Variants in PGBD5 observed in about 807,000 individuals in gnomAD.
PGBD5 encodes piggyBac transposable element-derived protein 5.
Under a neutral mutation model 47.9 loss-of-function variants are expected in PGBD5, and 14 were observed. The observed-to-expected ratio is 0.29, with a 90% CI of 0.19 to 0.46. The LOEUF is 0.46. PGBD5 is among the 20% of genes least tolerant of loss of function. The pLI is 1.00. For missense variants in PGBD5, 635 were observed against 716.0 expected (o/e 0.89, Z 1.29); for synonymous variants, 316 against 306.3 (o/e 1.03, Z -0.33).
intron 4 of PGBD5, 38 bp from the exon 5 acceptor site, chr1:230,333,079 C>T: frequency 6.4e-7 from 1 of 1,553,814 alleles, no homozygotes. Flanking sequence ...CACTCACCAC[C>T]ATCGGAGATG....
At position 230,316,604 on chromosome 1, in the gene PGBD5, G is replaced by A. The variant is rs944663291; in HGVS notation, c.*6821C>T. 1 of 151,122 alleles carries A rather than the reference G, an allele frequency of 6.6e-6. No individual in the cohort carries two copies. The highest frequency in any genetic ancestry group is 1.5e-5 in the Non-Finnish European group (1 of 67,792). The allele number at this position is 151,122 out of a possible 1,614,324, so 9.4% of individuals were successfully genotyped here. On this transcript the variant is annotated 3_prime_UTR_variant, in exon 7 of 7. Coordinates refer to ENST00000391860, the MANE Select transcript of PGBD5 (RefSeq NM_001258311.2). ...AAAAATCCTCATCTGCCCAATTATT[G>A]TTTTTTTTTCCTACCACGACTCTTG...
At chr1:230,352,506 A>G (rs560358208) in intron 2 of PGBD5, among the ~76,000 whole-genome samples, 7 of 152,280 alleles carry the variant, frequency 4.6e-5, no homozygotes, top group African/African-American at 1.7e-4. Flanking sequence ...CTGAGGTTGA[A>G]TGCAAATTGA....
intron 5 of PGBD5, among the ~76,000 whole-genome samples, chr1:230,330,276 G>A (rs535786223): frequency 6.6e-5 from 10 of 152,200 alleles, no homozygotes; most frequent in Admixed American, 3.3e-4. Context: ...TGCCCGCTGC[G>A]ATGGTAGAGA....
intron 4 of PGBD5, among the ~76,000 whole-genome samples, chr1:230,334,713 G>GACACCTCCT (rs1667275543): frequency 6.6e-6 from 1 of 152,194 alleles, no homozygotes; most frequent in African/African-American, 2.4e-5. Flanking sequence ...CTCAGTCACG[G>GACACCTCCT]CAGAGGAGGT....
At chr1:230,387,019 CG>C (rs979182145) in intron 1 of PGBD5, among the ~76,000 whole-genome samples, 2 of 152,082 alleles carry the variant, frequency 1.3e-5, no homozygotes, top group Admixed American at 1.3e-4. Context: ...TTTAGGGGCC[CG>C]GAAGAGCCTC....
chr1:230,419,545 T>C (rs1571867363), intron 1 of PGBD5, among the ~76,000 whole-genome samples: 1 of 146,976 alleles, frequency 6.8e-6, no homozygotes. Flanking sequence ...ATGTATCCCC[T>C]GAGTCTAAAA....
intron 2 of PGBD5, among the ~76,000 whole-genome samples, chr1:230,356,434 G>C (rs1172063807): frequency 2.0e-5 from 3 of 152,180 alleles, no homozygotes; most frequent in Non-Finnish European, 2.9e-5. Flanking sequence ...GCTCTGCTCT[G>C]TGTGGGCATA....
intron 1 of PGBD5, among the ~76,000 whole-genome samples, chr1:230,393,044 G>GAAAGGAAGA (rs1656828129): frequency 6.7e-6 from 1 of 149,254 alleles, no homozygotes; most frequent in African/African-American, 2.5e-5. Context: ...AGAAAGGAAG[G>GAAAGGAAGA]AAAAGAGGAG....
Position 230,367,098 on chromosome 1 carries a change from G to A in PGBD5, c.332-9777C>T, listed in dbSNP as rs577551342. On this transcript the variant is annotated intron_variant, in intron 1 of 6. Transcript: ENST00000391860. ...CAGGTAACTTGCTAATTTCTTCCAC[G>A]ACTTCTCAGCTTTCTCCCTCCCCGC... Among the ~76,000 whole-genome samples, 21 of 151,684 alleles carry A rather than the reference G, an allele frequency of 1.4e-4. No individual in the cohort carries two copies. The East Asian group carries it at 1.8e-3, about 13-fold the overall frequency.
At chr1:230,410,733 TA>T (rs1009981118) in intron 1 of PGBD5, among the ~76,000 whole-genome samples, 1 of 152,018 alleles carries the variant, frequency 6.6e-6, no homozygotes, top group Non-Finnish European at 1.5e-5. Flanking sequence ...ATTTTACAAA[TA>T]AAAAGGAACT....
intron 1 of PGBD5, among the ~76,000 whole-genome samples, chr1:230,367,009 A>C (rs1289882231): frequency 6.6e-6 from 1 of 151,774 alleles, no homozygotes; most frequent in African/African-American, 2.4e-5. Context: ...GACGAGGAGG[A>C]AGGTGGGGGT....
At chr1:230,384,691 T>A (rs529803298) in intron 1 of PGBD5, among the ~76,000 whole-genome samples, 8 of 152,254 alleles carry the variant, frequency 5.3e-5, no homozygotes, top group African/African-American at 1.9e-4. Context: ...GAGCACTAGG[T>A]GTGTTTGACT....
intron 1 of PGBD5, among the ~76,000 whole-genome samples, chr1:230,370,098 C>T (rs1053251586): frequency 3.9e-5 from 6 of 152,128 alleles, no homozygotes; most frequent in African/African-American, 7.2e-5. Context: ...GAACGTAACA[C>T]GGAAAAGGAG....
chr1:230,421,332 T>C (rs1214439973), intron 1 of PGBD5, among the ~76,000 whole-genome samples: 1 of 152,050 alleles, frequency 6.6e-6, no homozygotes, highest in African/African-American at 2.4e-5. Context: ...TAAAAGCAAT[T>C]CATGTATAAC....
intron 3 of PGBD5, among the ~76,000 whole-genome samples, chr1:230,340,479 T>C (rs1667392979): frequency 6.6e-6 from 1 of 152,182 alleles, no homozygotes; most frequent in Non-Finnish European, 1.5e-5. Flanking sequence ...TTTATAAATA[T>C]ATGTTGACTA....
At chr1:230,363,196 C>A (rs572017463) in intron 1 of PGBD5, among the ~76,000 whole-genome samples, 30 of 152,304 alleles carry the variant, frequency 2.0e-4, no homozygotes, top group Admixed American at 3.3e-4. Context: ...GTCCTGGGGG[C>A]CGCTCCTGCT....
chr1:230,342,826 T>A (rs1031070420), intron 3 of PGBD5, among the ~76,000 whole-genome samples: 1 of 152,252 alleles, frequency 6.6e-6, no homozygotes, highest in African/African-American at 2.4e-5. Context: ...GTGCTCCCAA[T>A]GTGGTTGCCT....
intron 2 of PGBD5, among the ~76,000 whole-genome samples, chr1:230,355,919 C>T (rs966207121): frequency 6.6e-6 from 1 of 152,072 alleles, no homozygotes; most frequent in Non-Finnish European, 1.5e-5. Flanking sequence ...GCCTTCCCCA[C>T]AAAAACCCTG....
At position 230,326,000 on chromosome 1, in the gene PGBD5, C is replaced by T. The variant is rs972296635; in HGVS notation, c.1274-585G>A. 9.2e-5 allele frequency among the ~76,000 whole-genome samples: 14 copies of T among 152,314 alleles called. 1 individual carries two copies. The highest frequency in any genetic ancestry group is 2.9e-4 in the African/African-American group (12 of 41,568). On this transcript the variant is annotated intron_variant, in intron 5 of 6. Transcript: ENST00000391860. ...TGTGGTTTTGCATCCTTTAATAAAT[C>T]CCCCGATAAGTGTGTGAGATGATGG...
Sources: gnomAD v4.1 joint callset for allele counts (sites outside exome capture counted in the v4.1 genomes callset) on GRCh38, gnomAD v4.1.1 for gene constraint, MANE v1.5 for transcripts, NCBI Gene and HGNC (gene_info 2026-07-23, HGNC 2026-07-21) for gene names.